The following ZMYM2 variants were observed in gnomAD, a reference collection of about 807,000 sequenced individuals.
ZMYM2 encodes zinc finger MYM-type protein 2.
ZMYM2 carries 56 observed loss-of-function variants against 162.8 expected under a neutral mutation model. The observed-to-expected ratio is 0.34, with a 90% CI of 0.28 to 0.43. ZMYM2 has a LOEUF of 0.43. Among genes scored for constraint, ZMYM2 ranks in the 20% least tolerant of loss-of-function variants. The pLI is 1.00. For synonymous variants in ZMYM2, 510 were observed against 541.6 expected, an observed-to-expected ratio of 0.94 and a Z score of 0.81; for missense variants, 1,275 against 1,621.8, an observed-to-expected ratio of 0.79 and a Z score of 3.67.
the ZMYM2 span, among the ~76,000 whole-genome samples, chr13:19,932,695 C>T: frequency 6.6e-6 from 1 of 151,972 alleles, no homozygotes; most frequent in African/African-American, 2.4e-5. Context: ...CTTAGTCCCT[C>T]CCATGTGAAC....
intron 21 of ZMYM2, among the ~76,000 whole-genome samples, chr13:20,069,043 C>T (rs145621678): frequency 1.4e-4 from 21 of 152,228 alleles, no homozygotes; most frequent in Non-Finnish European, 2.8e-4. Flanking sequence ...AGTTCCTCTC[C>T]CTAAGGACGT....
intron 12 of ZMYM2, among the ~76,000 whole-genome samples, chr13:20,038,811 G>A (rs767624669): frequency 3.4e-5 from 5 of 145,232 alleles, no homozygotes; most frequent in South Asian, 2.1e-4. Flanking sequence ...TTTTTGTTCT[G>A]TGAAGAATGT....
intron 2 of ZMYM2, chr13:19,970,143 A>G: frequency 1.3e-6 from 1 of 761,386 alleles, no homozygotes; most frequent in Non-Finnish European, 1.6e-6. Context: ...AAAAACAGTC[A>G]TTACACTAGA....
chr13:20,050,360 A>G (rs1036628093), intron 12 of ZMYM2, among the ~76,000 whole-genome samples: 2 of 152,008 alleles, frequency 1.3e-5, no homozygotes, highest in African/African-American at 4.8e-5. Flanking sequence ...TTGAAATACA[A>G]CGTGAGAAAT....
At chr13:19,884,458 G>A in the ZMYM2 span, among the ~76,000 whole-genome samples, 18 of 152,154 alleles carry the variant, frequency 1.2e-4, no homozygotes, top group Non-Finnish European at 2.5e-4. Context: ...GGCGGCCGTG[G>A]TCCCAGCTAC....
chr13:19,904,128 A>G, the ZMYM2 span, among the ~76,000 whole-genome samples: 2 of 152,224 alleles, frequency 1.3e-5, no homozygotes, highest in Non-Finnish European at 2.9e-5. Context: ...ATCTGAGGAT[A>G]AGAGATTGGA....
At chr13:19,956,609 A>G (rs1411131694), upstream of ZMYM2, among the ~76,000 whole-genome samples, 1 of 152,228 alleles carries the variant, frequency 6.6e-6, no homozygotes, top group African/African-American at 2.4e-5. Context: ...ATGAATTTAA[A>G]AAGTAAATAA....
the ZMYM2 span, among the ~76,000 whole-genome samples, chr13:19,933,258 T>A: frequency 6.6e-6 from 1 of 152,202 alleles, no homozygotes; most frequent in African/African-American, 2.4e-5. Flanking sequence ...GCCTGTTTTC[T>A]TTGATGTATC....
chr13:20,036,342 T>G (rs1340975683), intron 11 of ZMYM2, among the ~76,000 whole-genome samples: 1 of 152,068 alleles, frequency 6.6e-6, no homozygotes, highest in Non-Finnish European at 1.5e-5. Flanking sequence ...AAGTTGAATA[T>G]CTCTATAAAT....
chr13:19,874,521 C>T, the ZMYM2 span, among the ~76,000 whole-genome samples: 6 of 152,198 alleles, frequency 3.9e-5, no homozygotes, highest in African/African-American at 1.4e-4. Context: ...ATGTGATCCA[C>T]ATTGCCCGGC....
intron 2 of ZMYM2, among the ~76,000 whole-genome samples, chr13:19,992,835 C>T (rs1454014583): frequency 6.6e-6 from 1 of 151,578 alleles, no homozygotes; most frequent in Non-Finnish European, 1.5e-5. Context: ...GATTAATTAT[C>T]CAATAAAAAT....
At chr13:19,880,185 G>A in the ZMYM2 span, among the ~76,000 whole-genome samples, 1 of 152,148 alleles carries the variant, frequency 6.6e-6, no homozygotes, top group African/African-American at 2.4e-5. Context: ...GCCCCCATAA[G>A]CAGGTGAGCT....
chr13:20,017,243 G>T (rs79303651), intron 6 of ZMYM2, among the ~76,000 whole-genome samples: 34 of 152,322 alleles, frequency 2.2e-4, no homozygotes, highest in Non-Finnish European at 4.7e-4. Flanking sequence ...TCACATTGTA[G>T]CCCGGCCAGG....
chr13:20,037,708 G>GTGTGTA (rs1178877417), intron 12 of ZMYM2, among the ~76,000 whole-genome samples: 1 of 151,990 alleles, frequency 6.6e-6, no homozygotes, highest in Non-Finnish European at 1.5e-5. Context: ...AACCATAAAT[G>GTGTGTA]TGTGTATGTG....
chr13:20,039,195 T>C (rs1954006586), intron 12 of ZMYM2, among the ~76,000 whole-genome samples: 1 of 152,234 alleles, frequency 6.6e-6, no homozygotes, highest in African/African-American at 2.4e-5. Flanking sequence ...GTTTTCTAGA[T>C]ATAGGATCAT....
chr13:19,872,274 G>A, the ZMYM2 span, among the ~76,000 whole-genome samples: 1 of 152,156 alleles, frequency 6.6e-6, no homozygotes, highest in Admixed American at 6.6e-5. Flanking sequence ...TCTATGGCTA[G>A]GCACGGTGGC....
At chr13:20,022,500 T>A (rs1359513766) in intron 7 of ZMYM2, among the ~76,000 whole-genome samples, 1 of 152,206 alleles carries the variant, frequency 6.6e-6, no homozygotes, top group Non-Finnish European at 1.5e-5. Context: ...CCTCTGTATC[T>A]GTTTAAGTTA....
chr13:19,982,508 G>A (rs1216331270), intron 2 of ZMYM2, among the ~76,000 whole-genome samples: 1 of 151,826 alleles, frequency 6.6e-6, no homozygotes, highest in African/African-American at 2.4e-5. Context: ...GGCTGGTCTC[G>A]AACTCCTGAC....
At chr13:19,915,811 G>T in the ZMYM2 span, among the ~76,000 whole-genome samples, 5 of 151,490 alleles carry the variant, frequency 3.3e-5, no homozygotes, top group African/African-American at 1.2e-4. Flanking sequence ...GTCTGCTCCA[G>T]TTCTATTTTC....
Sources: allele counts gnomAD v4.1 joint callset (sites outside exome capture counted in the v4.1 genomes callset), GRCh38; gene constraint gnomAD v4.1.1; transcripts MANE v1.5; gene names NCBI Gene and HGNC (gene_info 2026-07-23, HGNC 2026-07-21).